Variants in FAM120C observed in about 807,000 individuals in gnomAD.
FAM120C encodes constitutive coactivator of PPAR-gamma-like protein 2.
Under a neutral mutation model 71.2 loss-of-function variants are expected in FAM120C, and 14 were observed. That is an observed-to-expected ratio of 0.20 (90% CI 0.13 to 0.31). The LOEUF (loss-of-function observed/expected upper bound fraction) is 0.31, where lower values mean the gene tolerates loss of function less well. Ranked by LOEUF, FAM120C falls within the 10% of genes least tolerant of loss-of-function variation. The probability of loss-of-function intolerance (pLI) is 1.00; values close to 1 mark genes in which losing one functional copy is unlikely to be tolerated. For missense variants in FAM120C, 500 were observed against 879.0 expected (o/e 0.57, Z 5.45); for synonymous variants, 354 against 353.2 (o/e 1.00, Z -0.03).
rs1382320846 is a variant in FAM120C, at chrX:54,183,054, G to A, written c.145C>T (p.Leu49=). 1.7e-6 allele frequency: 2 copies of A among 1,156,594 alleles called. No homozygotes were observed. The highest frequency in any genetic ancestry group is 2.3e-6 in the Non-Finnish European group (2 of 871,507). ...LHRQLPPTAA[L]APGAPRAARG... is the part of the protein sequence containing the mutation. ...GCGGCGCGTGGAGCCCCGGGCGCTA[G>A]GGCTGCAGTCGGCGGCAGCTGGCGG... The change falls in exon 1 of 16, where the codon CTA becomes TTA. Residue 49 remains leucine (L), a synonymous_variant. Transcript: ENST00000375180.
intron 4 of FAM120C, among the ~76,000 whole-genome samples, chrX:54,142,134 AG>A (rs2067128456): frequency 8.9e-6 from 1 of 112,210 alleles, no homozygotes; most frequent in African/African-American, 3.2e-5. Context: ...ATGGCCAAAT[AG>A]GAACAGCTCC....
intron 15 of FAM120C, among the ~76,000 whole-genome samples, chrX:54,079,754 G>A (rs1241118894): frequency 9.1e-6 from 1 of 109,881 alleles, no homozygotes; most frequent in Non-Finnish European, 1.9e-5. Context: ...CTGAGATCGT[G>A]CAATTGCACT....
At chrX:54,138,116 T>C (rs782373124) in intron 4 of FAM120C, among the ~76,000 whole-genome samples, 31 of 111,772 alleles carry the variant, frequency 2.8e-4, no homozygotes, top group Non-Finnish European at 5.6e-4. Context: ...TGGATTACTA[T>C]ACAGTTATAA....
chrX:54,136,479 T>G lies in FAM120C; in HGVS notation c.1258+12A>C. 1 of 1,186,191 alleles carries G rather than the reference T, an allele frequency of 8.4e-7. No individual in the cohort carries two copies. Among genetic ancestry groups the G allele is most frequent in the Non-Finnish European group, 1.1e-6 (1 of 872,269 alleles). ...ATGAACAGAGCAGCTTAGGGTCAGA[T>G]GGAAGCCTTACCTAGAAAGGAGGGA... On this transcript the variant is annotated intron_variant, in intron 5 of 15. Transcript: ENST00000375180.
chrX:54,113,618 A>C (rs1022948554), intron 10 of FAM120C, among the ~76,000 whole-genome samples: 2 of 109,082 alleles, frequency 1.8e-5, no homozygotes, highest in African/African-American at 3.3e-5. Context: ...CACAACAAAA[A>C]TGCCTGCACC....
chrX:54,068,794 T>TAGAAC lies in FAM120C; in HGVS notation c.*4238_*4239insGTTCT, dbSNP rs1569531054. 0.017 allele frequency: 833 copies of TAGAAC among 49,239 alleles called. 16 individuals are homozygous for TAGAAC. The highest frequency in any genetic ancestry group is 0.068 in the Admixed American group (396 of 5,829). The allele number at this position is 49,239 out of a possible 1,213,427, so 4.1% of individuals were successfully genotyped here. On this transcript the variant is annotated 3_prime_UTR_variant, in exon 16 of 16. Coordinates refer to ENST00000375180, the MANE Select transcript of FAM120C (RefSeq NM_017848.6). The stretch of plus-strand genomic sequence containing the variant: ...CAGAATAGAACAGAATAGAACAGAA[T>TAGAAC]AGAATAGAATAGAATAGAATAGAAT...
chrX:54,081,591 G>A (rs2066765510), intron 13 of FAM120C, 131 bp from the exon 14 acceptor site: 1 of 634,479 alleles, frequency 1.6e-6, no homozygotes, highest in African/African-American at 2.3e-5. Context: ...TAGCCAACAT[G>A]GTGAAACCCT....
chrX:54,079,260 CAAAA>C (rs1334413922), intron 15 of FAM120C, among the ~76,000 whole-genome samples: 1 of 45,891 alleles, frequency 2.2e-5, no homozygotes. Flanking sequence ...AGACTCATCT[CAAAA>C]AAAAAAAAAA....
intron 10 of FAM120C, 84 bp from the exon 11 acceptor site, chrX:54,091,510 G>A: frequency 1.6e-6 from 1 of 627,377 alleles, no homozygotes; most frequent in Non-Finnish European, 2.4e-6. Context: ...AACCTATCAT[G>A]AGCCAGTACT....
chrX:54,138,138 G>A (rs782509508), intron 4 of FAM120C, among the ~76,000 whole-genome samples: 2 of 111,653 alleles, frequency 1.8e-5, no homozygotes, highest in East Asian at 5.6e-4. Flanking sequence ...AAAGAACAAA[G>A]TATTGATATA....
Position 54,182,551 on chromosome X carries a change from C to T in FAM120C, c.648G>A (p.Pro216=), listed in dbSNP as rs1226233963. Residue 216 remains proline, a synonymous_variant, in exon 1 of 16, where the codon CCG becomes CCA. Transcript: ENST00000375180. ...TPPPRAWFLP[P]ACLSHCVRLA... is the part of the protein sequence containing the mutation. ...GCCTCACGCAGTGGCTCAGGCAGGC[C>T]GGTGGCAGGAACCAGGCCCGCGGTG... 7.4e-6 allele frequency: 9 copies of T among 1,209,369 alleles called. No homozygotes were observed. Among genetic ancestry groups the T allele is most frequent in the African/African-American group, 1.7e-5 (1 of 57,443 alleles).
At chrX:54,129,395 G>A (rs1336513839) in intron 9 of FAM120C, among the ~76,000 whole-genome samples, 1 of 107,942 alleles carries the variant, frequency 9.3e-6, no homozygotes, top group African/African-American at 3.4e-5. Context: ...CGGCGGGGCA[G>A]AGGCCCTCCC....
chrX:54,170,548 TTG>T (rs1569533856), intron 1 of FAM120C, among the ~76,000 whole-genome samples: 2 of 112,152 alleles, frequency 1.8e-5, no homozygotes, highest in African/African-American at 6.5e-5. Context: ...AAAAAACCTG[TTG>T]TGTGTCAACC....
chrX:54,135,831 G>A (rs906558427), intron 5 of FAM120C, among the ~76,000 whole-genome samples: 30 of 111,081 alleles, frequency 2.7e-4, no homozygotes, highest in African/African-American at 9.5e-4. Flanking sequence ...GACTTGCCAA[G>A]GTTCACTTGC....
chrX:54,093,655 A>C (rs1274353227), intron 10 of FAM120C, among the ~76,000 whole-genome samples: 1 of 111,862 alleles, frequency 8.9e-6, no homozygotes, highest in Non-Finnish European at 1.9e-5. Flanking sequence ...ACTATTTTTG[A>C]ATGAATTATG....
rs782517109 is a variant in FAM120C, at chrX:54,117,944, C to T, written c.2063-1150G>A. ...CATCTTTTAGATTCACAAAGGCAGG[C>T]TGGGCGTGGTGGTTCACGCCTGTAA... On this transcript the variant is annotated intron_variant, in intron 9 of 15. Transcript: ENST00000375180. 3.6e-5 allele frequency among the ~76,000 whole-genome samples: 4 copies of T among 111,603 alleles called. No individual in the cohort carries two copies. In the Admixed American group the frequency reaches 3.8e-4, roughly 11 times the overall value.
intron 9 of FAM120C, among the ~76,000 whole-genome samples, chrX:54,125,156 C>T (rs1490762251): frequency 6.9e-5 from 7 of 101,340 alleles, no homozygotes; most frequent in African/African-American, 1.5e-4. Flanking sequence ...TTGCAGTGAG[C>T]GGAGATTGTG....
chrX:54,175,510 C>CT lies in FAM120C; in HGVS notation c.699+6989dup, dbSNP rs1168702401. Among the ~76,000 whole-genome samples the CT allele has an allele frequency of 4.4e-4, 46 of 104,418 alleles. 1 individual carries two copies. Among genetic ancestry groups the CT allele is most frequent in the South Asian group, 2.1e-3 (5 of 2,354 alleles). The allele number at this position is 104,418 out of a possible 115,157, so 90.7% of individuals were successfully genotyped here. A position where few individuals can be genotyped will look rare whatever the true frequency, so the allele number is the denominator to read the frequency against. On this transcript the variant is annotated intron_variant, in intron 1 of 15. Coordinates refer to ENST00000375180, the MANE Select transcript of FAM120C (RefSeq NM_017848.6). ...TACTAGGTGCACAAGATATTTTATACTTTTTTTTTTTAATATATACAGGGT... is the reference window on the plus strand; with the variant it reads ...TACTAGGTGCACAAGATATTTTATACTTTTTTTTTTTTAATATATACAGGGT...
intron 14 of FAM120C, among the ~76,000 whole-genome samples, chrX:54,080,732 G>A (rs183778288): frequency 6.0e-4 from 65 of 108,848 alleles, no homozygotes; most frequent in African/African-American, 2.0e-3. Flanking sequence ...GGTGGTGGGC[G>A]GCACCTGTAA....
Sources: gnomAD v4.1 joint callset for allele counts (sites outside exome capture counted in the v4.1 genomes callset) on GRCh38, gnomAD v4.1.1 for gene constraint, MANE v1.5 for transcripts, NCBI Gene and HGNC (gene_info 2026-07-23, HGNC 2026-07-21) for gene names.